HIPK3: variants seen among roughly 807,000 people sequenced by gnomAD.
HIPK3 encodes homeodomain interacting protein kinase 3.
A neutral mutation model predicts 124.2 loss-of-function variants in HIPK3; 47 were observed. The observed-to-expected ratio is 0.38, with a 90% confidence interval of 0.30 to 0.48. The LOEUF (loss-of-function observed/expected upper bound fraction) is 0.48. Among genes scored for constraint, HIPK3 ranks in the 20% least tolerant of loss-of-function variants. HIPK3 has a pLI of 0.98. For synonymous variants in HIPK3, 482 were observed against 515.2 expected (o/e 0.94, Z 0.87); for missense variants, 1,286 against 1,454.3 (o/e 0.88, Z 1.88).
intron 8 of HIPK3, among the ~76,000 whole-genome samples, chr11:33,344,945 T>G (rs1853449562): frequency 6.6e-6 from 1 of 152,198 alleles, no homozygotes; most frequent in Non-Finnish European, 1.5e-5. Flanking sequence ...TCAATCCATT[T>G]ACAAGAAACA....
chr11:33,298,170 C>T (rs1851895488), intron 2 of HIPK3, among the ~76,000 whole-genome samples: 2 of 152,136 alleles, frequency 1.3e-5, no homozygotes. Flanking sequence ...CTGAAAATCC[C>T]AGAGCCCTTT....
intron 1 of HIPK3, among the ~76,000 whole-genome samples, chr11:33,266,631 C>CA (rs1410103122): frequency 6.6e-6 from 1 of 152,108 alleles, no homozygotes; most frequent in East Asian, 1.9e-4. Flanking sequence ...TGCCTGAGCC[C>CA]AGGGAGGTCG....
chr11:33,327,006 G>A (rs1852830851), intron 2 of HIPK3, among the ~76,000 whole-genome samples: 1 of 151,958 alleles, frequency 6.6e-6, no homozygotes, highest in South Asian at 2.1e-4. Context: ...ATCAAAATAA[G>A]TAATTATAGT....
Position 33,339,403 on chromosome 11 carries a change from TAGA to T in HIPK3, c.1486_1488del (p.Arg496del), listed in dbSNP as rs1180465387. 7 of 1,613,556 alleles carry T rather than the reference TAGA, an allele frequency of 4.3e-6. No homozygotes were observed. The highest frequency in any genetic ancestry group is 1.1e-5 in the South Asian group (1 of 91,064). On this transcript the variant is annotated inframe_deletion, in exon 6 of 17. Coordinates refer to ENST00000303296, the MANE Select transcript of HIPK3 (RefSeq NM_005734.5). ...GTGATCTTTTGGCTGAGAAAGCTGA[TAGA>T]AGAGAATTTGTTAGTCTGTTGAAGA...
chr11:33,336,253 G>T (rs1478741633), intron 3 of HIPK3, among the ~76,000 whole-genome samples: 1 of 152,132 alleles, frequency 6.6e-6, no homozygotes, highest in Non-Finnish European at 1.5e-5. Context: ...GTTTCAAACA[G>T]AAATATTAAG....
At chr11:33,318,211 G>GTT (rs35678536) in intron 2 of HIPK3, among the ~76,000 whole-genome samples, 2 of 151,844 alleles carry the variant, frequency 1.3e-5, no homozygotes, top group Admixed American at 1.3e-4. Flanking sequence ...AAGTCCAATA[G>GTT]TTTTTTTTCT....
At chr11:33,313,952 C>T (rs1405960866) in intron 2 of HIPK3, among the ~76,000 whole-genome samples, 2 of 152,050 alleles carry the variant, frequency 1.3e-5, no homozygotes, top group African/African-American at 4.8e-5. Context: ...ATGCAATCCT[C>T]CTGCCTCGGC....
At chr11:33,267,290 T>G (rs1360545198) in intron 1 of HIPK3, among the ~76,000 whole-genome samples, 1 of 151,784 alleles carries the variant, frequency 6.6e-6, no homozygotes, top group African/African-American at 2.4e-5. Context: ...TTTTTGTATT[T>G]TTAGTAGAGA....
chr11:33,309,561 T>C (rs1033229558), intron 2 of HIPK3, among the ~76,000 whole-genome samples: 2 of 152,244 alleles, frequency 1.3e-5, no homozygotes, highest in African/African-American at 4.8e-5. Flanking sequence ...AAGTGGCTGC[T>C]TGACTCTTAT....
rs764489607 is a variant in HIPK3, at chr11:33,353,373, T to C, written c.3453T>C (p.Thr1151=). 6.2e-7 allele frequency: 1 copy of C among 1,614,162 alleles called. No individual in the cohort carries two copies. ...CTSRPMLQHP[T]YNISHPSGIV... is the part of the protein sequence containing the mutation. ...CAAGACCTATGTTACAGCATCCAAC[T>C]TATAATATCTCCCATCCCAGTGGCA... The change falls in exon 17 of 17, where the codon ACT becomes ACC. Residue 1151 remains threonine (T), a synonymous_variant. Coordinates refer to ENST00000303296, the MANE Select transcript of HIPK3 (RefSeq NM_005734.5).
chr11:33,335,246 G>A (rs994394003), intron 3 of HIPK3, among the ~76,000 whole-genome samples: 7 of 152,066 alleles, frequency 4.6e-5, no homozygotes, highest in South Asian at 2.1e-4. Context: ...AGATTGAGGC[G>A]CAGATTTAGA....
chr11:33,258,528 G>A, intron 1 of HIPK3: 1 of 985,508 alleles, frequency 1.0e-6, no homozygotes, highest in Admixed American at 6.1e-5. Context: ...CCCCAGCGGC[G>A]GCGGGAGGAA....
At chr11:33,288,495 C>T (rs1051082993) in intron 2 of HIPK3, among the ~76,000 whole-genome samples, 1 of 152,100 alleles carries the variant, frequency 6.6e-6, no homozygotes, top group Admixed American at 6.6e-5. Context: ...TCTTTGGCTC[C>T]CGTGACTCTT....
chr11:33,321,319 A>G (rs1213556847), intron 2 of HIPK3, among the ~76,000 whole-genome samples: 5 of 152,214 alleles, frequency 3.3e-5, no homozygotes, highest in African/African-American at 1.2e-4. Flanking sequence ...AGTTGGAGGC[A>G]GCTTGTATAA....
intron 1 of HIPK3, among the ~76,000 whole-genome samples, chr11:33,281,741 T>C (rs79909591): frequency 6.6e-6 from 1 of 152,192 alleles, no homozygotes; most frequent in Non-Finnish European, 1.5e-5. Context: ...GAAATCTTGC[T>C]TTTTTTCAGG....
chr11:33,259,406 T>C (rs1253936232), intron 1 of HIPK3, among the ~76,000 whole-genome samples: 1 of 152,248 alleles, frequency 6.6e-6, no homozygotes, highest in East Asian at 1.9e-4. Context: ...TGAGCAATGA[T>C]AAGGTTTAGA....
At chr11:33,309,548 A>G (rs924708608) in intron 2 of HIPK3, among the ~76,000 whole-genome samples, 15 of 152,262 alleles carry the variant, frequency 9.9e-5, no homozygotes, top group African/African-American at 2.7e-4. Flanking sequence ...ACCTCTAATC[A>G]GCAAGTGGCT....
At chr11:33,282,163 G>C (rs1370945111) in intron 1 of HIPK3, among the ~76,000 whole-genome samples, 1 of 151,300 alleles carries the variant, frequency 6.6e-6, no homozygotes, top group African/African-American at 2.4e-5. Context: ...TCAGGAGGAG[G>C]ATTGCTTGAA....
chr11:33,333,250 G>A (rs547407829), intron 3 of HIPK3, among the ~76,000 whole-genome samples: 21 of 152,208 alleles, frequency 1.4e-4, no homozygotes, highest in African/African-American at 4.8e-4. Context: ...AAAGTAAGGC[G>A]ACACGAGAGG....
Sources: gnomAD v4.1 joint callset for allele counts (sites outside exome capture counted in the v4.1 genomes callset) on GRCh38, gnomAD v4.1.1 for gene constraint, MANE v1.5 for transcripts, NCBI Gene and HGNC (gene_info 2026-07-23, HGNC 2026-07-21) for gene names.